The following MAGI2 variants were observed in gnomAD, a reference collection of about 807,000 sequenced individuals.
The protein encoded by MAGI2 is membrane associated guanylate kinase, WW and PDZ domain containing 2, also known as membrane-associated guanylate kinase, WW and PDZ domain-containing protein 2.
A neutral mutation model predicts 133.3 loss-of-function variants in MAGI2; 35 were observed. The observed-to-expected ratio is 0.26, with a 90% confidence interval of 0.20 to 0.35. The LOEUF (loss-of-function observed/expected upper bound fraction) is 0.35. Among genes scored for constraint, MAGI2 ranks in the 10% least tolerant of loss-of-function variants. The pLI, the probability that MAGI2 is intolerant of heterozygous loss-of-function variation, is 1.00. For missense variants in MAGI2, 1,636 were observed against 1,863.4 expected, an observed-to-expected ratio of 0.88 and a Z score of 2.25; for synonymous variants, 729 against 710.6, an observed-to-expected ratio of 1.03 and a Z score of -0.41.
chr7:79,235,859 G>C (rs1469684358), intron 1 of MAGI2, among the ~76,000 whole-genome samples: 1 of 152,202 alleles, frequency 6.6e-6, no homozygotes, highest in Non-Finnish European at 1.5e-5. Flanking sequence ...AACACTTTTA[G>C]CTAGAACTTT....
chr7:79,309,582 C>T (rs968893338), intron 1 of MAGI2, among the ~76,000 whole-genome samples: 64 of 151,768 alleles, frequency 4.2e-4, no homozygotes, highest in African/African-American at 1.2e-3. Flanking sequence ...TTCAGAAGAA[C>T]GCTGAACAAT....
In MAGI2 at chr7:78,501,862, C is replaced by A. The variant is rs113427276; in HGVS notation, c.755-75G>T. 4.8e-4 allele frequency: 520 copies of A among 1,078,968 alleles called. 5 individuals are homozygous for A. In the African/African-American group the frequency reaches 7.0e-3, roughly 14 times the overall value. The allele number at this position is 1,078,968 out of a possible 1,614,324, so 66.8% of individuals were successfully genotyped here. On this transcript the variant is annotated intron_variant, in intron 4 of 21. Transcript: ENST00000354212. ...TGGACTGAGTATGGAGAATGCTGTA[C>A]CAGGGAATAAACGTCATGAATAACT...
chr7:78,307,040 AT>A (rs1798296148), intron 9 of MAGI2, among the ~76,000 whole-genome samples: 1 of 152,154 alleles, frequency 6.6e-6, no homozygotes, highest in African/African-American at 2.4e-5. Context: ...CATTTTCATA[AT>A]TTCTGTAATC....
chr7:79,211,466 G>GTT lies in MAGI2; in HGVS notation c.302-204262_302-204261dup, dbSNP rs540204865. Among the ~76,000 whole-genome samples the GTT allele has an allele frequency of 2.8e-5, 4 of 143,078 alleles. 1 individual carries two copies. Among genetic ancestry groups the GTT allele is most frequent in the Admixed American group, 2.1e-4 (3 of 14,214 alleles). The allele number at this position is 143,078 out of a possible 152,430, so 93.9% of individuals were successfully genotyped here. On this transcript the variant is annotated intron_variant, in intron 1 of 21. Transcript: ENST00000354212. ...ATTATTTTCTTTCTTTTTCTTTTTT[G>GTT]TTTTTTTTTTTGAGGCAGGGTCTCA...
intron 6 of MAGI2, among the ~76,000 whole-genome samples, chr7:78,423,790 C>A (rs1483901012): frequency 6.6e-6 from 1 of 151,958 alleles, no homozygotes; most frequent in Non-Finnish European, 1.5e-5. Context: ...ATTTGTGGAG[C>A]CTTGAAGTTG....
chr7:79,256,193 A>G (rs879613612), intron 1 of MAGI2, among the ~76,000 whole-genome samples: 2 of 152,228 alleles, frequency 1.3e-5, no homozygotes, highest in Admixed American at 1.3e-4. Context: ...TCTCAGCACT[A>G]CAGATAACTA....
intron 2 of MAGI2, among the ~76,000 whole-genome samples, chr7:78,794,131 T>C (rs188883440): frequency 1.3e-5 from 2 of 152,308 alleles, no homozygotes; most frequent in East Asian, 3.9e-4. Context: ...TATATCCTTT[T>C]TATCCCTTTG....
chr7:78,406,702 A>C (rs1408946318), intron 6 of MAGI2, among the ~76,000 whole-genome samples: 1 of 152,024 alleles, frequency 6.6e-6, no homozygotes, highest in Non-Finnish European at 1.5e-5. Flanking sequence ...TGATAGATTC[A>C]TGTTATTATT....
chr7:78,235,621 G>A (rs1297076135), intron 10 of MAGI2, among the ~76,000 whole-genome samples: 5 of 152,088 alleles, frequency 3.3e-5, no homozygotes, highest in African/African-American at 9.7e-5. Flanking sequence ...TCCCGCTTCT[G>A]CCATGATTGT....
intron 2 of MAGI2, among the ~76,000 whole-genome samples, chr7:78,916,563 G>C (rs919262497): frequency 3.3e-5 from 5 of 152,154 alleles, no homozygotes; most frequent in Non-Finnish European, 5.9e-5. Context: ...CTGAATGAAA[G>C]TTTCGCAGAG....
intron 2 of MAGI2, among the ~76,000 whole-genome samples, chr7:78,753,631 TC>T (rs1823664307): frequency 6.6e-6 from 1 of 152,006 alleles, no homozygotes; most frequent in African/African-American, 2.4e-5. Context: ...AGGAAGAGTT[TC>T]TAAAAATTCA....
chr7:78,710,736 G>A (rs1259312778), intron 2 of MAGI2, among the ~76,000 whole-genome samples: 1 of 152,102 alleles, frequency 6.6e-6, no homozygotes, highest in Non-Finnish European at 1.5e-5. Flanking sequence ...GTTCTTGAAA[G>A]TCAAAAGATA....
At chr7:78,885,279 C>T (rs1028155714) in intron 2 of MAGI2, among the ~76,000 whole-genome samples, 10 of 152,102 alleles carry the variant, frequency 6.6e-5, no homozygotes, top group Non-Finnish European at 1.3e-4. Flanking sequence ...ATGTAACAAA[C>T]CTGCACATGT....
chr7:79,260,387 CAT>C (rs1833991141), intron 1 of MAGI2, among the ~76,000 whole-genome samples: 1 of 150,898 alleles, frequency 6.6e-6, no homozygotes, highest in Non-Finnish European at 1.5e-5. Context: ...TACATACATA[CAT>C]ACATACATAC....
chr7:78,844,583 T>A lies in MAGI2; in HGVS notation c.418+162507A>T, dbSNP rs189772506. Among the ~76,000 whole-genome samples the A allele has an allele frequency of 4.0e-3, 614 of 152,006 alleles. 3 individuals carry two copies. Among genetic ancestry groups the A allele is most frequent in the East Asian group, 6.6e-3 (34 of 5,148 alleles). On this transcript the variant is annotated intron_variant, in intron 2 of 21. Transcript: ENST00000354212. ...TGCATGATTTCATTTGTATGAAATG[T>A]CTGGAATAGGCAAATCCATAGAGAC... is the stretch of plus-strand genomic sequence containing the variant.
chr7:79,338,867 C>T (rs1840685210), intron 1 of MAGI2, among the ~76,000 whole-genome samples: 1 of 152,174 alleles, frequency 6.6e-6, no homozygotes, highest in African/African-American at 2.4e-5. Context: ...CCACTTCCTG[C>T]TAAGGGATAA....
chr7:79,179,439 T>C (rs1332908947), intron 1 of MAGI2, among the ~76,000 whole-genome samples: 1 of 151,984 alleles, frequency 6.6e-6, no homozygotes, highest in African/African-American at 2.4e-5. Context: ...ACAATTCATG[T>C]GGAATCAAGA....
intron 2 of MAGI2, among the ~76,000 whole-genome samples, chr7:78,909,140 A>G (rs1434598365): frequency 6.6e-6 from 1 of 151,774 alleles, no homozygotes; most frequent in Non-Finnish European, 1.5e-5. Context: ...AACCCCATCA[A>G]AAAGTAGGCA....
intron 2 of MAGI2, among the ~76,000 whole-genome samples, chr7:78,995,873 T>A (rs1806241569): frequency 6.6e-6 from 1 of 152,194 alleles, no homozygotes; most frequent in Non-Finnish European, 1.5e-5. Flanking sequence ...CTTTCTCTGC[T>A]GACTTACTGC....
Sources: gnomAD v4.1 joint callset for allele counts (sites outside exome capture counted in the v4.1 genomes callset) on GRCh38, gnomAD v4.1.1 for gene constraint, MANE v1.5 for transcripts, NCBI Gene and HGNC (gene_info 2026-07-23, HGNC 2026-07-21) for gene names.